Variants in ANKRD30B observed in about 807,000 individuals in gnomAD.
The protein encoded by ANKRD30B is ankyrin repeat domain 30B, also known as ankyrin repeat domain-containing protein 30B.
A neutral mutation model predicts 202.2 loss-of-function variants in ANKRD30B; 144 were observed. The ratio of observed to expected loss-of-function variants is 0.71; its 90% confidence interval spans 0.62 to 0.82. ANKRD30B has a LOEUF of 0.82. ANKRD30B is among the 40% of genes least tolerant of loss of function. The pLI, the probability that ANKRD30B is intolerant of heterozygous loss-of-function variation, is 0.00. For missense variants in ANKRD30B, 1,487 were observed against 1,669.1 expected, an observed-to-expected ratio of 0.89 and a Z score of 1.90; for synonymous variants, 508 against 561.3, an observed-to-expected ratio of 0.91 and a Z score of 1.34.
chr18:14,807,016 C>CT (rs944800619), intron 24 of ANKRD30B, among the ~76,000 whole-genome samples: 3 of 150,944 alleles, frequency 2.0e-5, no homozygotes, highest in Non-Finnish European at 3.0e-5. Flanking sequence ...ATTTTAAGCA[C>CT]TTTTTTTCTA....
chr18:14,776,329 T>C (rs1223903285), intron 9 of ANKRD30B, among the ~76,000 whole-genome samples: 1 of 152,204 alleles, frequency 6.6e-6, no homozygotes, highest in East Asian at 1.9e-4. Context: ...CCACTATAAC[T>C]TTTTCTTTAA....
intron 7 of ANKRD30B, among the ~76,000 whole-genome samples, chr18:14,766,960 A>AT (rs1259225051): frequency 2.6e-5 from 4 of 152,314 alleles, no homozygotes; most frequent in Admixed American, 2.6e-4. Context: ...CAAAAGAATT[A>AT]TTTTAGGGTT....
At chr18:14,800,366 C>A (rs1969232882) in intron 22 of ANKRD30B, among the ~76,000 whole-genome samples, 1 of 150,164 alleles carries the variant, frequency 6.7e-6, no homozygotes, top group Non-Finnish European at 1.5e-5. Context: ...GTTGTCTTGC[C>A]CAGGCTGGAG....
chr18:14,880,134 G>C, the ANKRD30B span, among the ~76,000 whole-genome samples: 4 of 151,950 alleles, frequency 2.6e-5, no homozygotes, highest in Admixed American at 1.3e-4. Flanking sequence ...GTGTTGAAAA[G>C]GGTGTCCTTT....
chr18:14,912,292 T>C, the ANKRD30B span, among the ~76,000 whole-genome samples: 1 of 152,212 alleles, frequency 6.6e-6, no homozygotes, highest in Admixed American at 6.5e-5. Flanking sequence ...GCTGTATTCC[T>C]TCTATGCCTA....
intron 3 of ANKRD30B, 60 bp downstream of exon 3, chr18:14,753,072 A>G: frequency 2.2e-6 from 3 of 1,356,436 alleles, no homozygotes; most frequent in Non-Finnish European, 3.0e-6. Context: ...TAATGTTAAC[A>G]TATGTAAGGC....
At chr18:14,853,308 G>A (rs182447725) in intron 42 of ANKRD30B, among the ~76,000 whole-genome samples, 18 of 152,246 alleles carry the variant, frequency 1.2e-4, no homozygotes, top group Middle Eastern at 3.4e-3. Context: ...CAAAAGAAGT[G>A]AGTAGAGGAG....
chr18:14,831,253 T>A, intron 33 of ANKRD30B, 130 bp from the exon 34 acceptor site: 1 of 627,098 alleles, frequency 1.6e-6, no homozygotes. Flanking sequence ...TTTAATATAT[T>A]GAGGACTGAT....
chr18:14,807,046 G>A (rs144622874), intron 24 of ANKRD30B, among the ~76,000 whole-genome samples: 2,553 of 150,980 alleles, frequency 0.017, 208 homozygotes, highest in African/African-American at 0.06. Flanking sequence ...CCTGCAACAC[G>A]GTCATGCATA....
At chr18:14,890,020 C>A in the ANKRD30B span, 2 of 1,201,396 alleles carry the variant, frequency 1.7e-6, no homozygotes, top group Non-Finnish European at 2.4e-6. Context: ...TCATTCATTG[C>A]AAGATAGAAT....
chr18:14,831,181 G>GGAAAAAAAAAA lies in ANKRD30B; in HGVS notation c.2775-202_2775-201insGAAAAAAAAAA, dbSNP rs1267118242. Among the ~76,000 whole-genome samples, 169 of 52,318 alleles carry GGAAAAAAAAAA rather than the reference G, an allele frequency of 3.2e-3. 2 individuals are homozygous for GGAAAAAAAAAA. Among genetic ancestry groups the GGAAAAAAAAAA allele is most frequent in the African/African-American group, 5.1e-3 (69 of 13,414 alleles). 34.3% of individuals were successfully genotyped at this position (52,318 alleles called of 152,430 possible). On this transcript the variant is annotated intron_variant, in intron 33 of 43. Coordinates refer to ENST00000690538, the MANE Select transcript of ANKRD30B (RefSeq NM_001367607.2). ...GGCGACAGAGCGAGACTCCGTCTCGGAAAAAAAAAAAAAAAAAAACGAAAA... is the reference window on the plus strand; with the variant it reads ...GGCGACAGAGCGAGACTCCGTCTCGGGAAAAAAAAAAAAAAAAAAAAAAAAAAAAACGAAAA...
intron 40 of ANKRD30B, among the ~76,000 whole-genome samples, chr18:14,849,894 T>C (rs1320952117): frequency 3.3e-5 from 5 of 151,650 alleles, no homozygotes; most frequent in Admixed American, 1.3e-4. Context: ...TAATTTTGAC[T>C]GTGTGATATT....
the ANKRD30B span, among the ~76,000 whole-genome samples, chr18:14,939,324 T>A: frequency 6.6e-6 from 1 of 152,170 alleles, no homozygotes; most frequent in Non-Finnish European, 1.5e-5. Context: ...TCCCAGTGTT[T>A]CTGTGAAACA....
intron 2 of ANKRD30B, 61 bp downstream of exon 2, chr18:14,752,741 A>T: frequency 6.5e-7 from 1 of 1,540,294 alleles, no homozygotes; most frequent in Non-Finnish European, 8.8e-7. Flanking sequence ...TAGAATAAAA[A>T]TGAATTTAGT....
At chr18:14,869,482 A>C in the ANKRD30B span, among the ~76,000 whole-genome samples, 3 of 152,158 alleles carry the variant, frequency 2.0e-5, no homozygotes, top group Non-Finnish European at 4.4e-5. Context: ...TAAAGCCATT[A>C]AAAGTTAAGA....
In ANKRD30B at chr18:14,778,077, T is replaced by G; in HGVS notation, c.1420+2T>G. The G allele has an allele frequency of 6.6e-7, 1 of 1,524,568 alleles. No homozygotes were observed. The highest frequency in any genetic ancestry group is 8.9e-7 in the Non-Finnish European group (1 of 1,124,514). The allele number at this position is 1,524,568 out of a possible 1,614,324, so 94.4% of individuals were successfully genotyped here. On this transcript the variant is annotated splice_donor_variant, in intron 10 of 43. Coordinates refer to ENST00000690538, the MANE Select transcript of ANKRD30B (RefSeq NM_001367607.2). LOFTEE classifies it high-confidence loss of function. ...AAACAATAAATCACAAAATAGAAGGTAAGAACCATTTTTTATTTAAAACAT... is the reference window on the plus strand; with the variant it reads ...AAACAATAAATCACAAAATAGAAGGGAAGAACCATTTTTTATTTAAAACAT...
At chr18:14,880,103 C>T in the ANKRD30B span, among the ~76,000 whole-genome samples, 1,729 of 151,812 alleles carry the variant, frequency 0.011, 9 homozygotes, top group African/African-American at 0.039. Flanking sequence ...ACATGTGGCT[C>T]GCCAATTATC....
chr18:14,883,365 G>GTC, the ANKRD30B span, among the ~76,000 whole-genome samples: 2 of 105,846 alleles, frequency 1.9e-5, no homozygotes, highest in African/African-American at 3.9e-5. Flanking sequence ...CTCTCTGTCT[G>GTC]TCTGTCTCTC....
At chr18:14,899,614 C>T in the ANKRD30B span, among the ~76,000 whole-genome samples, 1 of 152,196 alleles carries the variant, frequency 6.6e-6, no homozygotes, top group African/African-American at 2.4e-5. Context: ...ATATGATTGT[C>T]ACAATATTTT....
Sources: gnomAD v4.1 joint callset for allele counts (sites outside exome capture counted in the v4.1 genomes callset) on GRCh38, gnomAD v4.1.1 for gene constraint, MANE v1.5 for transcripts, NCBI Gene and HGNC (gene_info 2026-07-23, HGNC 2026-07-21) for gene names.